SH3RF3: variants seen among roughly 807,000 people sequenced by gnomAD.
SH3RF3 encodes E3 ubiquitin-protein ligase SH3RF3.
Under a neutral mutation model 66.3 loss-of-function variants are expected in SH3RF3, and 29 were observed. The observed-to-expected ratio is 0.44, with a 90% confidence interval of 0.33 to 0.60. The LOEUF is 0.60. SH3RF3 is among the 20% of genes least tolerant of loss of function. The probability of loss-of-function intolerance (pLI) is 0.04; values close to 1 mark genes in which losing one functional copy is unlikely to be tolerated. For missense variants in SH3RF3, 1,194 were observed against 1,190.9 expected, an observed-to-expected ratio of 1.00 and a Z score of -0.04; for synonymous variants, 583 against 532.0, an observed-to-expected ratio of 1.10 and a Z score of -1.32.
chr2:109,350,511 T>G lies in SH3RF3; in HGVS notation c.849+2562T>G, dbSNP rs143297380. ...CATGCTCCTATGCCCACTTTGACCC[T>G]CTGACCCCCAAAGGGCGAGGTCGGG... On this transcript the variant is annotated intron_variant, in intron 2 of 9. Transcript: ENST00000309415. Among the ~76,000 whole-genome samples, 600 of 152,320 alleles carry G rather than the reference T, an allele frequency of 3.9e-3. 2 individuals carry two copies. Among genetic ancestry groups the G allele is most frequent in the Admixed American group, 6.9e-3 (105 of 15,306 alleles).
chr2:109,160,165 A>G (rs1302715095), intron 1 of SH3RF3, among the ~76,000 whole-genome samples: 2 of 152,246 alleles, frequency 1.3e-5, no homozygotes, highest in East Asian at 3.9e-4. Context: ...GCCAGGTGTC[A>G]CCAGGAAGTC....
intron 1 of SH3RF3, among the ~76,000 whole-genome samples, chr2:109,219,988 A>G (rs1441459965): frequency 6.6e-6 from 1 of 152,238 alleles, no homozygotes; most frequent in Non-Finnish European, 1.5e-5. Flanking sequence ...GAAAAGGAGG[A>G]GCAAAGTTGG....
At chr2:109,396,428 C>T (rs1676146463) in intron 3 of SH3RF3, among the ~76,000 whole-genome samples, 1 of 152,216 alleles carries the variant, frequency 6.6e-6, no homozygotes, top group Non-Finnish European at 1.5e-5. Flanking sequence ...CAGCCATGTG[C>T]CTGGGCCGGG....
chr2:109,173,359 C>T (rs1448603142), intron 1 of SH3RF3, among the ~76,000 whole-genome samples: 3 of 152,168 alleles, frequency 2.0e-5, no homozygotes, highest in Non-Finnish European at 4.4e-5. Flanking sequence ...CGAGCCGTCC[C>T]TGCCTGGGTT....
In SH3RF3 at chr2:109,499,877, T is replaced by TCCAG. The variant is rs575861966; in HGVS notation, c.2481-1625_2481-1622dup. Among the ~76,000 whole-genome samples the TCCAG allele has an allele frequency of 1.1e-4, 16 of 152,196 alleles. 1 individual carries two copies. In the South Asian group the frequency reaches 3.3e-3, roughly 32 times the overall value. On this transcript the variant is annotated intron_variant, in intron 9 of 9. Transcript: ENST00000309415. ...CTGACATTTGCAATGGGGAATAGGG[T>TCCAG]CCAGGCTGAGCTGAGCTCAGGTTCA...
chr2:109,262,371 T>G (rs1200462555), intron 1 of SH3RF3, among the ~76,000 whole-genome samples: 1 of 152,188 alleles, frequency 6.6e-6, no homozygotes, highest in South Asian at 2.1e-4. Flanking sequence ...GCAGCCATGC[T>G]GATTGCAGGA....
intron 1 of SH3RF3, among the ~76,000 whole-genome samples, chr2:109,208,385 A>T (rs2105096691): frequency 6.6e-6 from 1 of 152,358 alleles, no homozygotes. Context: ...GTCTTCAGGG[A>T]TGGGCAGCTT....
chr2:109,341,035 G>A (rs766953059), intron 1 of SH3RF3, among the ~76,000 whole-genome samples: 6 of 152,136 alleles, frequency 3.9e-5, no homozygotes, highest in Non-Finnish European at 7.4e-5. Flanking sequence ...TAGTGGCCTC[G>A]TCACCCTGTG....
At chr2:109,422,955 C>T (rs1275300940) in intron 5 of SH3RF3, among the ~76,000 whole-genome samples, 5 of 152,120 alleles carry the variant, frequency 3.3e-5, no homozygotes, top group South Asian at 2.1e-4. Flanking sequence ...CAGACCGACA[C>T]GCCTGGGTCT....
chr2:109,405,933 G>C (rs1296666127), intron 4 of SH3RF3, among the ~76,000 whole-genome samples: 4 of 152,244 alleles, frequency 2.6e-5, no homozygotes, highest in African/African-American at 4.8e-5. Context: ...TTCCTCACTG[G>C]ATGGTCTTGT....
At chr2:109,418,197 G>A (rs570198822) in intron 4 of SH3RF3, among the ~76,000 whole-genome samples, 3 of 152,134 alleles carry the variant, frequency 2.0e-5, no homozygotes, top group East Asian at 1.9e-4. Flanking sequence ...TCTGCCCCTC[G>A]TCAGGCCTAC....
At chr2:109,187,597 G>A (rs1384989013) in intron 1 of SH3RF3, among the ~76,000 whole-genome samples, 2 of 152,178 alleles carry the variant, frequency 1.3e-5, no homozygotes, top group Non-Finnish European at 2.9e-5. Context: ...TATAGGCTAG[G>A]AGCATAGGCT....
At chr2:109,153,112 A>G (rs1324380143) in intron 1 of SH3RF3, among the ~76,000 whole-genome samples, 1 of 152,162 alleles carries the variant, frequency 6.6e-6, no homozygotes, top group Non-Finnish European at 1.5e-5. Context: ...ACCCATTCCC[A>G]ATGGAGGGGG....
chr2:109,141,341 C>T (rs1458561869), intron 1 of SH3RF3: 1 of 152,606 alleles, frequency 6.6e-6, no homozygotes, highest in East Asian at 1.9e-4. Flanking sequence ...AGCCTCTCGT[C>T]TCTGCCTGGG....
chr2:109,275,685 C>T (rs1013369516), intron 1 of SH3RF3, among the ~76,000 whole-genome samples: 5 of 152,298 alleles, frequency 3.3e-5, no homozygotes, highest in African/African-American at 4.8e-5. Flanking sequence ...TTGATTAGCG[C>T]GTCCTTTTAA....
chr2:109,397,279 TG>T (rs1676172760), intron 3 of SH3RF3, among the ~76,000 whole-genome samples: 1 of 149,316 alleles, frequency 6.7e-6, no homozygotes, highest in Non-Finnish European at 1.5e-5. Flanking sequence ...AGAGGGCAGC[TG>T]GCATTTACTC....
At chr2:109,424,970 A>G (rs898321635) in intron 5 of SH3RF3, among the ~76,000 whole-genome samples, 1 of 152,266 alleles carries the variant, frequency 6.6e-6, no homozygotes, top group African/African-American at 2.4e-5. Context: ...TGTGCCAAAC[A>G]GTTATCTAAG....
At chr2:109,182,591 T>A (rs1282591386) in intron 1 of SH3RF3, among the ~76,000 whole-genome samples, 3 of 152,214 alleles carry the variant, frequency 2.0e-5, no homozygotes, top group Non-Finnish European at 4.4e-5. Context: ...TTGCATTAAT[T>A]GCAAGAATGA....
At chr2:109,249,513 C>CTTTCT (rs1553491216) in intron 1 of SH3RF3, among the ~76,000 whole-genome samples, 1 of 43,622 alleles carries the variant, frequency 2.3e-5, no homozygotes, top group Non-Finnish European at 4.3e-5. Flanking sequence ...TTCTTTCATT[C>CTTTCT]TTTCTTTTTC....
Sources: gnomAD v4.1 joint callset for allele counts (sites outside exome capture counted in the v4.1 genomes callset) on GRCh38, gnomAD v4.1.1 for gene constraint, MANE v1.5 for transcripts, NCBI Gene and HGNC (gene_info 2026-07-23, HGNC 2026-07-21) for gene names.